The following GNB1L variants were observed in gnomAD, a reference collection of about 807,000 sequenced individuals.
GNB1L encodes the protein G protein subunit beta 1 like, also known as guanine nucleotide-binding protein subunit beta-like protein 1.
A neutral mutation model predicts 29.1 loss-of-function variants in GNB1L; 20 were observed. The ratio of observed to expected loss-of-function variants is 0.69; its 90% CI spans 0.48 to 1.00. The LOEUF is 1.00. GNB1L is among the 50% of genes least tolerant of loss of function. The pLI is 0.00. For missense variants in GNB1L, 421 were observed against 464.9 expected, an observed-to-expected ratio of 0.91 and a Z score of 0.87; for synonymous variants, 193 against 206.5, an observed-to-expected ratio of 0.93 and a Z score of 0.56.
In GNB1L at chr22:19,788,205, G is replaced by A. The variant is rs190466782; in HGVS notation, c.*504C>T. ...TGTGTTGGGAGCTCCTGGCCTCCTC[G>A]GGGTGAGGGGTCATGTGGACATCGA... On this transcript the variant is annotated 3_prime_UTR_variant, in exon 8 of 8. Coordinates refer to ENST00000329517, the MANE Select transcript of GNB1L (RefSeq NM_053004.3). The A allele has an allele frequency of 4.9e-5, 12 of 246,056 alleles. No individual in the cohort carries two copies. The highest frequency in any genetic ancestry group is 4.5e-4 in the Admixed American group (9 of 19,918). The allele number at this position is 246,056 out of a possible 1,614,324, so 15.2% of individuals were successfully genotyped here. A position where few individuals can be genotyped will look rare whatever the true frequency, so the allele number is the denominator to read the frequency against.
intron 5 of GNB1L, among the ~76,000 whole-genome samples, chr22:19,811,845 A>C (rs2145875167): frequency 6.7e-6 from 1 of 149,666 alleles, no homozygotes; most frequent in Non-Finnish European, 1.5e-5. Flanking sequence ...CTCCAACTTC[A>C]CCAGGGACTT....
chr22:19,848,204 C>G (rs1938011485), intron 2 of GNB1L: 1 of 985,230 alleles, frequency 1.0e-6, no homozygotes, highest in Non-Finnish European at 1.2e-6. Context: ...GTCCTATCTT[C>G]AGGAAATAAA....
At chr22:19,851,554 G>A (rs543070038) in intron 2 of GNB1L, 48 of 1,613,040 alleles carry the variant, frequency 3.0e-5, no homozygotes, top group African/African-American at 8.0e-5. Flanking sequence ...TGGCCATGGC[G>A]GCTGGTAAAG....
chr22:19,810,214 G>T (rs1407514422), intron 5 of GNB1L, among the ~76,000 whole-genome samples: 3 of 152,146 alleles, frequency 2.0e-5, no homozygotes, highest in African/African-American at 7.2e-5. Flanking sequence ...GGGGTGGGGA[G>T]GGCTGCGGAG....
In GNB1L at chr22:19,812,445, TG is replaced by T. The variant is rs1337312162; in HGVS notation, c.256del (p.Gln86ArgfsTer5). On this transcript the variant is annotated frameshift_variant and splice_region_variant, in exon 5 of 8. Transcript: ENST00000329517. LOFTEE classifies it high-confidence loss of function. ...CAGGCACAGCTTCAGGTCCCGGCCC[TG>T]ACTGCCAGACAAAGAGGAGACAGGC... ...TLPQGRQLLS[Q>X]GRDLKLCLWD... 19 of 1,611,040 alleles carry T rather than the reference TG, an allele frequency of 1.2e-5. No homozygotes were observed. Among genetic ancestry groups the T allele is most frequent in the Non-Finnish European group, 1.6e-5 (19 of 1,178,640 alleles).
At chr22:19,846,541 G>A (rs916772369) in intron 2 of GNB1L, 2 of 985,402 alleles carry the variant, frequency 2.0e-6, no homozygotes, top group Non-Finnish European at 2.4e-6. Flanking sequence ...GAACAGCAAA[G>A]ACAAAACCAG....
At chr22:19,812,135 C>A in intron 5 of GNB1L, 150 bp downstream of exon 5, 1 of 766,010 alleles carries the variant, frequency 1.3e-6, no homozygotes. Flanking sequence ...CAGGCCTAGC[C>A]GGCTGTGCAT....
chr22:19,809,265 A>G (rs1171837758), intron 5 of GNB1L, among the ~76,000 whole-genome samples: 2 of 151,968 alleles, frequency 1.3e-5, no homozygotes, highest in Non-Finnish European at 2.9e-5. Flanking sequence ...GCATGCTGGC[A>G]GGCCATCAAC....
intron 2 of GNB1L, among the ~76,000 whole-genome samples, chr22:19,842,496 G>C (rs1429676531): frequency 1.3e-5 from 2 of 152,236 alleles, no homozygotes; most frequent in African/African-American, 4.8e-5. Flanking sequence ...TCTCAGCCCA[G>C]GACGGGGGTG....
At chr22:19,839,976 T>C (rs191217998) in intron 2 of GNB1L, among the ~76,000 whole-genome samples, 72 of 151,772 alleles carry the variant, frequency 4.7e-4, no homozygotes, top group Middle Eastern at 3.4e-3. Flanking sequence ...GGTGGTAGGA[T>C]CACTTGAGCC....
rs1438637783 is a variant in GNB1L at position 19,816,236 on chromosome 22, C to T, written c.255-3789G>A. Among the ~76,000 whole-genome samples, 2 of 152,340 alleles carry T rather than the reference C, an allele frequency of 1.3e-5. No individual in the cohort carries two copies. The highest frequency in any genetic ancestry group is 3.9e-4 in the East Asian group (2 of 5,178). On this transcript the variant is annotated intron_variant, in intron 4 of 7. Coordinates refer to ENST00000329517, the MANE Select transcript of GNB1L (RefSeq NM_053004.3). This position sits in a 1 kb window ranked among gnomAD's most constrained non-coding sequence, Gnocchi z 4.4. ...CCCATATTCCTCAGATGACACCAGT[C>T]GTCACGCTGCGAGGCACACGATGTG... is the stretch of plus-strand genomic sequence containing the variant.
chr22:19,834,473 C>T (rs1035135782), intron 2 of GNB1L, among the ~76,000 whole-genome samples: 6 of 152,100 alleles, frequency 3.9e-5, no homozygotes, highest in Non-Finnish European at 7.4e-5. Context: ...TGGTAAAATG[C>T]GGTTTTATCA....
Position 19,787,091 on chromosome 22 carries a change from G to C in GNB1L, c.*1618C>G, listed in dbSNP as rs1187085977. ...GTACCTCTGACCAACAGAGAAGTGT[G>C]GTCACAGGACTCCTCAAGGACTCCG... On this transcript the variant is annotated 3_prime_UTR_variant, in exon 8 of 8. Transcript: ENST00000329517. 9 of 152,214 alleles carry C rather than the reference G, an allele frequency of 5.9e-5. No homozygotes were observed. Among genetic ancestry groups the C allele is most frequent in the African/African-American group, 1.9e-4 (8 of 41,432 alleles). The allele number at this position is 152,214 out of a possible 1,614,324, so 9.4% of individuals were successfully genotyped here.
intron 4 of GNB1L, among the ~76,000 whole-genome samples, chr22:19,819,850 C>T (rs772091806): frequency 2.6e-5 from 4 of 152,122 alleles, no homozygotes; most frequent in Non-Finnish European, 4.4e-5. Context: ...AGATGGCCCT[C>T]ACTACCACGC....
intron 2 of GNB1L, among the ~76,000 whole-genome samples, chr22:19,826,258 AAC>A (rs1489467955): frequency 6.6e-6 from 1 of 152,156 alleles, no homozygotes; most frequent in African/African-American, 2.4e-5. Flanking sequence ...ATGCCAGAAA[AAC>A]ACCAGTCCTC....
At chr22:19,810,125 C>T (rs1380949397) in intron 5 of GNB1L, among the ~76,000 whole-genome samples, 2 of 152,176 alleles carry the variant, frequency 1.3e-5, no homozygotes, top group Non-Finnish European at 2.9e-5. Flanking sequence ...GGGCTAGTTC[C>T]AGCAGTTAAT....
chr22:19,837,504 C>G (rs1232153917), intron 2 of GNB1L, among the ~76,000 whole-genome samples: 1 of 152,268 alleles, frequency 6.6e-6, no homozygotes, highest in East Asian at 1.9e-4. Flanking sequence ...CATCTTTAGT[C>G]GCTAGGAAAA....
At chr22:19,808,509 G>A (rs1303387206) in intron 5 of GNB1L, among the ~76,000 whole-genome samples, 2 of 152,196 alleles carry the variant, frequency 1.3e-5, no homozygotes, top group Admixed American at 6.5e-5. Context: ...GTAAGCAGGA[G>A]GGTAAAACAG....
At chr22:19,851,549 A>G (rs200035385) in intron 2 of GNB1L, 2 of 1,613,392 alleles carry the variant, frequency 1.2e-6, no homozygotes, top group Non-Finnish European at 1.7e-6. Flanking sequence ...AGGGGTGGCC[A>G]TGGCGGCTGG....
Sources: allele counts gnomAD v4.1 joint callset (sites outside exome capture counted in the v4.1 genomes callset), GRCh38; gene constraint gnomAD v4.1.1; non-coding constraint Gnocchi (gnomAD v3.1); transcripts MANE v1.5; gene names NCBI Gene and HGNC (gene_info 2026-07-23, HGNC 2026-07-21).